The following EPHX2 variants were observed in gnomAD, a reference collection of about 807,000 sequenced individuals.
The protein encoded by EPHX2 is bifunctional epoxide hydrolase 2.
A neutral mutation model predicts 78.7 loss-of-function variants in EPHX2; 74 were observed. The ratio of observed to expected loss-of-function variants is 0.94; its 90% CI spans 0.78 to 1.14. The LOEUF is 1.14. EPHX2 is among the 50% of genes most tolerant of loss of function. The probability of loss-of-function intolerance (pLI) is 0.00; values close to 1 mark genes in which losing one functional copy is unlikely to be tolerated. For synonymous variants in EPHX2, 251 were observed against 255.2 expected, an observed-to-expected ratio of 0.98 and a Z score of 0.16; for missense variants, 715 against 702.5, an observed-to-expected ratio of 1.02 and a Z score of -0.20.
chr8:27,531,247 C>T (rs374364354), intron 12 of EPHX2, among the ~76,000 whole-genome samples: 5 of 152,330 alleles, frequency 3.3e-5, no homozygotes, highest in East Asian at 1.9e-4. Context: ...CTGACCTGAG[C>T]GTCTTCCTCT....
At chr8:27,541,421 C>T in intron 15 of EPHX2, 52 bp from the exon 16 acceptor site, 17 of 1,582,226 alleles carry the variant, frequency 1.1e-5, no homozygotes, top group Non-Finnish European at 1.5e-5. Context: ...GTGTCTGTAG[C>T]AGAGCCGTCT....
chr8:27,500,833 G>C lies in EPHX2; in HGVS notation c.102-93G>C, dbSNP rs183264528. On this transcript the variant is annotated intron_variant, in intron 1 of 18. Coordinates refer to ENST00000521400, the MANE Select transcript of EPHX2 (RefSeq NM_001979.6). ...GTTCCTGGCAGTATCCCTTTCTAGT[G>C]GCTGCTTCTCAATGAATATGAACAG... 4.3e-6 allele frequency: 5 copies of C among 1,162,994 alleles called. No individual in the cohort carries two copies. In the Admixed American group the frequency reaches 6.1e-5, roughly 14 times the overall value. The allele number at this position is 1,162,994 out of a possible 1,614,324, so 72.0% of individuals were successfully genotyped here.
intron 11 of EPHX2, 96 bp from the exon 12 acceptor site, chr8:27,525,266 A>G (rs1814803251): frequency 9.6e-7 from 1 of 1,044,866 alleles, no homozygotes; most frequent in Admixed American, 1.8e-5. Flanking sequence ...GAATGTTCCC[A>G]CTCTGAGCTT....
intron 15 of EPHX2, 105 bp downstream of exon 15, chr8:27,540,761 C>T: frequency 1.9e-6 from 2 of 1,041,614 alleles, no homozygotes; most frequent in East Asian, 4.9e-5. Flanking sequence ...CACCACAGCC[C>T]TCGTTAGTGC....
chr8:27,520,531 G>A (rs974588121), intron 9 of EPHX2, among the ~76,000 whole-genome samples: 1 of 151,998 alleles, frequency 6.6e-6, no homozygotes, highest in East Asian at 1.9e-4. Context: ...ATTTTTAGTA[G>A]AGATGGGGTT....
intron 11 of EPHX2, 94 bp downstream of exon 11, chr8:27,522,602 C>CAA: frequency 7.9e-7 from 1 of 1,262,660 alleles, no homozygotes; most frequent in Non-Finnish European, 1.1e-6. Flanking sequence ...GAAAACTTCT[C>CAA]AAAAACAAGT....
At chr8:27,538,889 T>C (rs377184370) in intron 14 of EPHX2, 197 bp downstream of exon 14, 13 of 601,612 alleles carry the variant, frequency 2.2e-5, no homozygotes, top group East Asian at 8.5e-5. Flanking sequence ...TCCTACCCTC[T>C]AGGGAGCTGT....
Position 27,506,969 on chromosome 8 carries a change from A to T in EPHX2, c.635A>T (p.Glu212Val). ...LVQDTDTALK[E>V]LEKVTGIQLL... ...CAGGACACTGACACGGCCCTGAAAG[A>T]ACTGGAGAAAGTGACCGGAATCCAG... Residue 212 changes from glutamate (E) to valine (V), a missense_variant, in exon 5 of 19, where the codon GAA becomes GTA. Glu to Val is a moderately radical substitution (Grantham distance 121). Coordinates refer to ENST00000521400, the MANE Select transcript of EPHX2 (RefSeq NM_001979.6). The T allele has an allele frequency of 6.2e-7, 1 of 1,614,060 alleles. No individual in the cohort carries two copies. Among genetic ancestry groups the T allele is most frequent in the Non-Finnish European group, 8.5e-7 (1 of 1,180,026 alleles).
At chr8:27,511,058 C>T (rs1490541153) in intron 5 of EPHX2, among the ~76,000 whole-genome samples, 2 of 152,154 alleles carry the variant, frequency 1.3e-5, no homozygotes, top group Non-Finnish European at 2.9e-5. Flanking sequence ...ATCTGCAAGC[C>T]AGGGAGAGAG....
At chr8:27,496,405 G>A (rs1037561396) in intron 1 of EPHX2, among the ~76,000 whole-genome samples, 29 of 152,196 alleles carry the variant, frequency 1.9e-4, no homozygotes, top group African/African-American at 6.0e-4. Context: ...AAGTTGGGAC[G>A]TGTGGTCTGT....
chr8:27,539,964 GGGCTGCCAGGGGTCATCACA>G (rs1454186547), intron 14 of EPHX2, among the ~76,000 whole-genome samples: 1 of 152,156 alleles, frequency 6.6e-6, no homozygotes, highest in Non-Finnish European at 1.5e-5. Flanking sequence ...AGTGGTCCCT[GGGCTGCCAGGGGTCATCACA>G]GGCCATCCTC....
chr8:27,544,090 G>A (rs1444887871), intron 17 of EPHX2, 96 bp from the exon 18 acceptor site: 1 of 1,424,424 alleles, frequency 7.0e-7, no homozygotes, highest in African/African-American at 1.4e-5. Flanking sequence ...TGGCCTGCGG[G>A]GAGCAGAGAG....
intron 8 of EPHX2, among the ~76,000 whole-genome samples, chr8:27,516,716 G>A (rs1371087890): frequency 1.3e-5 from 2 of 152,130 alleles, no homozygotes; most frequent in Non-Finnish European, 2.9e-5. Context: ...AAAACTGAAA[G>A]GCTGTATTCA....
chr8:27,521,873 C>T (rs113294143), intron 10 of EPHX2, among the ~76,000 whole-genome samples: 256 of 152,294 alleles, frequency 1.7e-3, no homozygotes, highest in African/African-American at 5.6e-3. Context: ...GACAAAACCA[C>T]CTGACACATT....
intron 9 of EPHX2, among the ~76,000 whole-genome samples, chr8:27,518,980 T>C (rs1814554919): frequency 6.6e-6 from 1 of 152,214 alleles, no homozygotes; most frequent in South Asian, 2.1e-4. Context: ...TCAAAATCCA[T>C]TCTTGAGACA....
intron 9 of EPHX2, 150 bp from the exon 10 acceptor site, chr8:27,520,733 G>C: frequency 1.1e-6 from 1 of 885,616 alleles, no homozygotes; most frequent in Non-Finnish European, 1.9e-6. Context: ...CTCCTTAAAG[G>C]CTGTATCTTC....
At chr8:27,507,231 A>G (rs1039589015) in intron 5 of EPHX2, among the ~76,000 whole-genome samples, 6 of 152,216 alleles carry the variant, frequency 3.9e-5, no homozygotes, top group African/African-American at 1.2e-4. Context: ...TGTTAGTGCC[A>G]GGGCCGGGGA....
At chr8:27,528,225 G>A (rs1179029682) in intron 12 of EPHX2, among the ~76,000 whole-genome samples, 4 of 152,318 alleles carry the variant, frequency 2.6e-5, no homozygotes, top group South Asian at 2.1e-4. Context: ...GTAGCAGCTG[G>A]GTTTAAAATC....
intron 1 of EPHX2, among the ~76,000 whole-genome samples, chr8:27,495,041 G>A (rs980653512): frequency 2.0e-5 from 3 of 152,210 alleles, no homozygotes; most frequent in African/African-American, 7.2e-5. Context: ...GTTTTCTTCT[G>A]CCTTTTCTCC....
Sources: allele counts gnomAD v4.1 joint callset (sites outside exome capture counted in the v4.1 genomes callset), GRCh38; gene constraint gnomAD v4.1.1; transcripts MANE v1.5; gene names NCBI Gene and HGNC (gene_info 2026-07-23, HGNC 2026-07-21).